Variants in SPAG1 observed in about 807,000 individuals in gnomAD.
SPAG1 encodes sperm associated antigen 1, also known as sperm-associated antigen 1.
A neutral mutation model predicts 100.5 loss-of-function variants in SPAG1; 69 were observed. That is an observed-to-expected ratio of 0.69 (90% CI 0.57 to 0.84). The LOEUF is 0.84. SPAG1 is among the 40% of genes least tolerant of loss of function. The pLI is 0.00. For missense variants in SPAG1, 955 were observed against 1,133.1 expected (o/e 0.84, Z 2.26); for synonymous variants, 336 against 411.6 (o/e 0.82, Z 2.22).
chr8:100,176,657 G>A (rs1008681127), intron 3 of SPAG1, among the ~76,000 whole-genome samples: 1 of 152,130 alleles, frequency 6.6e-6, no homozygotes, highest in Non-Finnish European at 1.5e-5. Flanking sequence ...GAGCCACCAC[G>A]CCCAGCCAGG....
intron 3 of SPAG1, among the ~76,000 whole-genome samples, chr8:100,175,854 T>C (rs1403104803): frequency 6.6e-6 from 1 of 152,184 alleles, no homozygotes; most frequent in African/African-American, 2.4e-5. Context: ...GCCTTCTTGT[T>C]GTACAGCCAA....
At position 100,239,170 on chromosome 8, in the gene SPAG1, C is replaced by G. The variant is rs542451272; in HGVS notation, c.2116-70C>G. 23 of 928,724 alleles carry G rather than the reference C, an allele frequency of 2.5e-5. No individual in the cohort carries two copies. In the East Asian group the frequency reaches 5.9e-4, roughly 24 times the overall value. 57.5% of individuals were successfully genotyped at this position (928,724 alleles called of 1,614,324 possible). A position where few individuals can be genotyped will look rare whatever the true frequency, so the allele number is the denominator to read the frequency against. On this transcript the variant is annotated intron_variant, in intron 16 of 18. Coordinates refer to ENST00000388798, the MANE Select transcript of SPAG1 (RefSeq NM_003114.5). This position sits in a 1 kb window ranked among gnomAD's most constrained non-coding sequence, Gnocchi z 5.0. ...ACTGCACAGCTCACTACATCCACCC[C>G]ACTCCCACTCAGGTTACTCTAGGCT...
At chr8:100,207,203 TTG>T (rs1817548335) in intron 10 of SPAG1, among the ~76,000 whole-genome samples, 1 of 152,174 alleles carries the variant, frequency 6.6e-6, no homozygotes, top group Non-Finnish European at 1.5e-5. Context: ...ATAAGGTAGG[TTG>T]TGCACAGCAG....
intron 14 of SPAG1, among the ~76,000 whole-genome samples, chr8:100,227,402 G>T (rs139483533): frequency 2.4e-4 from 37 of 152,216 alleles, no homozygotes; most frequent in African/African-American, 8.7e-4. Flanking sequence ...GATGCCCTGA[G>T]GTTCCTGACC....
In SPAG1 at chr8:100,240,469, G is replaced by A; in HGVS notation, c.2347G>A (p.Glu783Lys). ...GGTCTCCATGGGATGCCTTGCTTCT[G>A]AGAAGGGAGGCAAAAGCAGCAGGTC... ...GEVSMGCLAS[E>K]KGGKSSRSPE... is the part of the protein sequence containing the mutation. Residue 783 changes from glutamate (E) to lysine (K), a missense_variant, in exon 18 of 19, where the codon GAG becomes AAG. Transcript: ENST00000388798. 1 of 1,614,054 alleles carries A rather than the reference G, an allele frequency of 6.2e-7. No homozygotes were observed. The highest frequency in any genetic ancestry group is 8.5e-7 in the Non-Finnish European group (1 of 1,179,952).
intron 1 of SPAG1, chr8:100,159,095 A>G (rs112612135): frequency 4.6e-5 from 7 of 152,362 alleles, no homozygotes; most frequent in African/African-American, 1.7e-4. Flanking sequence ...TTGAAATCAT[A>G]AAATCTCAGG....
chr8:100,195,583 G>C (rs1238686513), intron 10 of SPAG1, among the ~76,000 whole-genome samples: 3 of 152,016 alleles, frequency 2.0e-5, no homozygotes, highest in African/African-American at 7.3e-5. Flanking sequence ...AAGGATTCAG[G>C]CTTGCCTTTT....
chr8:100,177,519 C>T (rs1816181369), intron 3 of SPAG1, among the ~76,000 whole-genome samples: 1 of 151,506 alleles, frequency 6.6e-6, no homozygotes, highest in South Asian at 2.1e-4. Flanking sequence ...CTTTTTATAA[C>T]TTGTGTATAC....
chr8:100,166,641 C>T (rs1003722922), intron 3 of SPAG1, among the ~76,000 whole-genome samples: 5 of 152,034 alleles, frequency 3.3e-5, no homozygotes, highest in African/African-American at 1.2e-4. Flanking sequence ...TGTGGTTGCT[C>T]ACACCACCTG....
chr8:100,224,866 T>C (rs746877000), intron 13 of SPAG1, among the ~76,000 whole-genome samples: 11 of 152,204 alleles, frequency 7.2e-5, no homozygotes, highest in Non-Finnish European at 1.6e-4. Context: ...TCCTAAATTT[T>C]AGTTTTATTA....
At chr8:100,212,438 G>T (rs759713507) in intron 10 of SPAG1, among the ~76,000 whole-genome samples, 4 of 152,098 alleles carry the variant, frequency 2.6e-5, no homozygotes, top group Non-Finnish European at 5.9e-5. Flanking sequence ...TTTAAAAATA[G>T]ATTCAACAAT....
At chr8:100,212,077 A>T (rs1490987386) in intron 10 of SPAG1, among the ~76,000 whole-genome samples, 1 of 152,176 alleles carries the variant, frequency 6.6e-6, no homozygotes, top group Non-Finnish European at 1.5e-5. Flanking sequence ...AATAATTAAG[A>T]TCCCTTTGGC....
At chr8:100,215,016 T>TGAA (rs1479974425) in intron 12 of SPAG1, among the ~76,000 whole-genome samples, 3 of 56,158 alleles carry the variant, frequency 5.3e-5, no homozygotes, top group Non-Finnish European at 3.7e-5. Context: ...TATATATATA[T>TGAA]ATATATATAT....
chr8:100,198,021 G>A (rs1349543306), intron 10 of SPAG1, among the ~76,000 whole-genome samples: 1 of 152,170 alleles, frequency 6.6e-6, no homozygotes, highest in African/African-American at 2.4e-5. Context: ...GAAGGAAGAA[G>A]TGGCCATTAC....
At position 100,161,262 on chromosome 8, in the gene SPAG1, G is replaced by A. The variant is rs76356309; in HGVS notation, c.-2-1017G>A. On this transcript the variant is annotated intron_variant, in intron 1 of 18. Coordinates refer to ENST00000388798, the MANE Select transcript of SPAG1 (RefSeq NM_003114.5). ...AGGAGTCTGAGGTGGGAGGATCACC[G>A]AGTCCAGAAGGTCAGGCTGCAGTGA... Among the ~76,000 whole-genome samples, 514 of 152,216 alleles carry A rather than the reference G, an allele frequency of 3.4e-3. 3 individuals carry two copies. Among genetic ancestry groups the A allele is most frequent in the African/African-American group, 0.012 (480 of 41,520 alleles).
intron 10 of SPAG1, among the ~76,000 whole-genome samples, chr8:100,202,709 C>CAAAAAAAAA (rs750153561): frequency 3.6e-5 from 1 of 27,466 alleles, no homozygotes. Flanking sequence ...GACTCCGTCT[C>CAAAAAAAAA]AAAAAAAAAA....
chr8:100,240,835 G>A (rs772831178), intron 18 of SPAG1, 56 bp from the exon 19 acceptor site: 44 of 1,534,564 alleles, frequency 2.9e-5, no homozygotes, highest in African/African-American at 4.3e-5. Flanking sequence ...ACTTAAAAAT[G>A]TTACTTATGC....
rs139981099 is a variant in SPAG1, at chr8:100,184,818, G to A, written c.701+85G>A. 492 of 746,056 alleles carry A rather than the reference G, an allele frequency of 6.6e-4. 4 individuals are homozygous for A. The African/African-American group carries it at 7.7e-3, about 12-fold the overall frequency. The allele number at this position is 746,056 out of a possible 1,614,324, so 46.2% of individuals were successfully genotyped here. ...GTTGAAACAATATAAATAAGCGAAAGTCTATGTCAGAATCTCTCAATGTAT... is the reference window on the plus strand; with the variant it reads ...GTTGAAACAATATAAATAAGCGAAAATCTATGTCAGAATCTCTCAATGTAT... On this transcript the variant is annotated intron_variant, in intron 7 of 18. Transcript: ENST00000388798.
At chr8:100,225,113 C>A in intron 13 of SPAG1, 60 bp from the exon 14 acceptor site, 1 of 1,378,690 alleles carries the variant, frequency 7.3e-7, no homozygotes, top group Non-Finnish European at 1.0e-6. Flanking sequence ...CTTAATCTGA[C>A]CTTCAGTAAT....
Sources: allele counts gnomAD v4.1 joint callset (sites outside exome capture counted in the v4.1 genomes callset), GRCh38; gene constraint gnomAD v4.1.1; non-coding constraint Gnocchi (gnomAD v3.1); transcripts MANE v1.5; gene names NCBI Gene and HGNC (gene_info 2026-07-23, HGNC 2026-07-21).